C8orf34: variants seen among roughly 807,000 people sequenced by gnomAD.
C8orf34 encodes the protein uncharacterized protein C8orf34.
In C8orf34, 65 loss-of-function variants were observed where a neutral mutation model predicts 68.3. That is an observed-to-expected ratio of 0.95 (90% CI 0.78 to 1.17). C8orf34 has a LOEUF of 1.17. Among genes scored for constraint, C8orf34 ranks in the 50% most tolerant of loss-of-function variants. C8orf34 has a pLI of 0.00. For missense variants in C8orf34, 664 were observed against 655.4 expected, an observed-to-expected ratio of 1.01 and a Z score of -0.14; for synonymous variants, 244 against 241.2, an observed-to-expected ratio of 1.01 and a Z score of -0.11.
chr8:68,777,544 C>A (rs7464209), intron 11 of C8orf34, among the ~76,000 whole-genome samples: 1 of 151,602 alleles, frequency 6.6e-6, no homozygotes, highest in Non-Finnish European at 1.5e-5. Flanking sequence ...GACTGTGGTC[C>A]TCTGACTACA....
At position 68,705,197 on chromosome 8, in the gene C8orf34, T is replaced by C. The variant is rs1821128876; in HGVS notation, c.1242-3797T>C. On this transcript the variant is annotated intron_variant, in intron 8 of 13. Transcript: ENST00000518698. ...GTAATATGTCCTATAAGGATTTGGGTACACCAATCTTGAGCTGATGGTTTA... is the reference window on the plus strand; with the variant it reads ...GTAATATGTCCTATAAGGATTTGGGCACACCAATCTTGAGCTGATGGTTTA... Among the ~76,000 whole-genome samples the C allele has an allele frequency of 2.6e-5, 4 of 152,262 alleles. No individual in the cohort carries two copies. The South Asian group carries it at 8.3e-4, about 32-fold the overall frequency.
At chr8:68,726,116 T>G (rs1821823169) in intron 10 of C8orf34, among the ~76,000 whole-genome samples, 2 of 151,970 alleles carry the variant, frequency 1.3e-5, no homozygotes, top group South Asian at 4.1e-4. Flanking sequence ...ACCATGTTGG[T>G]CAGGCTGGAC....
Position 68,374,757 on chromosome 8 carries a change from T to G in C8orf34, c.327+43418T>G, listed in dbSNP as rs559190088. On this transcript the variant is annotated intron_variant, in intron 1 of 13. Coordinates refer to ENST00000518698, the MANE Select transcript of C8orf34 (RefSeq NM_052958.4). Reference sequence around the variant, plus strand: ...CCAAGGTTGCATCCAAGTACTAAAATTATTATTTTGTCTTAGGGGAAAATG... The same window carrying G: ...CCAAGGTTGCATCCAAGTACTAAAAGTATTATTTTGTCTTAGGGGAAAATG... Among the ~76,000 whole-genome samples the G allele has an allele frequency of 7.2e-5, 11 of 152,266 alleles. No individual in the cohort carries two copies. The South Asian group carries it at 2.1e-3, about 29-fold the overall frequency.
At chr8:68,503,320 G>A (rs923276324) in intron 5 of C8orf34, among the ~76,000 whole-genome samples, 1 of 152,124 alleles carries the variant, frequency 6.6e-6, no homozygotes, top group Non-Finnish European at 1.5e-5. Context: ...ATTTACAAAT[G>A]ATATGATGAA....
At chr8:68,747,806 C>G (rs1331538909) in intron 10 of C8orf34, among the ~76,000 whole-genome samples, 1 of 151,660 alleles carries the variant, frequency 6.6e-6, no homozygotes, top group East Asian at 1.9e-4. Flanking sequence ...AATGGCCATA[C>G]TGCCCAAGGT....
intron 9 of C8orf34, 66 bp downstream of exon 9, chr8:68,709,145 G>GA: frequency 8.0e-7 from 1 of 1,248,306 alleles, no homozygotes. Flanking sequence ...AGAAGTAAAG[G>GA]AAAAAAACTA....
At chr8:68,802,682 G>A (rs905499178) in intron 12 of C8orf34, among the ~76,000 whole-genome samples, 23 of 151,874 alleles carry the variant, frequency 1.5e-4, no homozygotes, top group African/African-American at 5.3e-4. Context: ...AGTTTTTGTG[G>A]AGACAAGGTT....
At chr8:68,809,706 T>A (rs1771988162) in intron 12 of C8orf34, among the ~76,000 whole-genome samples, 1 of 152,184 alleles carries the variant, frequency 6.6e-6, no homozygotes, top group Non-Finnish European at 1.5e-5. Context: ...ACCTCCTTTT[T>A]CCTCCACTTC....
chr8:68,478,845 G>A (rs4009124), intron 4 of C8orf34, among the ~76,000 whole-genome samples: 103,409 of 151,598 alleles, frequency 0.68, 35,798 homozygotes, highest in East Asian at 0.88. Flanking sequence ...CTTTGCCAAC[G>A]TATAAGGATT....
chr8:68,559,757 G>A (rs1816364654), intron 7 of C8orf34, among the ~76,000 whole-genome samples: 1 of 152,160 alleles, frequency 6.6e-6, no homozygotes, highest in South Asian at 2.1e-4. Context: ...CAAAATTTGA[G>A]AAGGGAGTCG....
intron 7 of C8orf34, among the ~76,000 whole-genome samples, chr8:68,594,757 T>C (rs551901951): frequency 3.3e-5 from 5 of 152,138 alleles, no homozygotes; most frequent in Non-Finnish European, 7.4e-5. Context: ...TCTTGGACTT[T>C]TGAACAGTGA....
At chr8:68,654,750 A>G (rs1819465384) in intron 8 of C8orf34, among the ~76,000 whole-genome samples, 1 of 152,212 alleles carries the variant, frequency 6.6e-6, no homozygotes, top group Admixed American at 6.5e-5. Flanking sequence ...ACATTTTAAT[A>G]TAAATAACAA....
intron 2 of C8orf34, among the ~76,000 whole-genome samples, chr8:68,444,539 T>A (rs894820647): frequency 1.3e-5 from 2 of 152,144 alleles, no homozygotes; most frequent in African/African-American, 4.8e-5. Flanking sequence ...AGTTCTAGAT[T>A]TATCAACAAA....
At chr8:68,769,845 C>G (rs548123995) in intron 10 of C8orf34, among the ~76,000 whole-genome samples, 1 of 152,210 alleles carries the variant, frequency 6.6e-6, no homozygotes, top group East Asian at 1.9e-4. Flanking sequence ...TAACAACTCA[C>G]AGTTAAGTAG....
chr8:68,697,869 C>A (rs1271731290), intron 8 of C8orf34, among the ~76,000 whole-genome samples: 1 of 152,046 alleles, frequency 6.6e-6, no homozygotes, highest in African/African-American at 2.4e-5. Flanking sequence ...AAAATTCCCC[C>A]TCGGGGGAGC....
At position 68,745,269 on chromosome 8, in the gene C8orf34, G is replaced by A. The variant is rs1047064802; in HGVS notation, c.1404+23832G>A. Among the ~76,000 whole-genome samples, 11 of 152,026 alleles carry A rather than the reference G, an allele frequency of 7.2e-5. No individual in the cohort carries two copies. The East Asian group carries it at 7.7e-4, about 11-fold the overall frequency. ...TGGAAAGGAACAACTGGTGCCAGCC[G>A]CTGCAAACTCATGCCAAAATGTAAA... On this transcript the variant is annotated intron_variant, in intron 10 of 13. Coordinates refer to ENST00000518698, the MANE Select transcript of C8orf34 (RefSeq NM_052958.4).
intron 11 of C8orf34, among the ~76,000 whole-genome samples, chr8:68,777,303 A>G (rs1032441665): frequency 6.6e-6 from 1 of 152,202 alleles, no homozygotes; most frequent in African/African-American, 2.4e-5. Context: ...TCCCACCTGG[A>G]GAGAACTGAG....
intron 5 of C8orf34, among the ~76,000 whole-genome samples, chr8:68,501,448 G>C (rs909491620): frequency 1.3e-5 from 2 of 152,178 alleles, no homozygotes; most frequent in African/African-American, 4.8e-5. Context: ...GCATTTGTAA[G>C]GAATCTGTGA....
intron 5 of C8orf34, among the ~76,000 whole-genome samples, chr8:68,488,979 C>T (rs1240888120): frequency 4.5e-5 from 6 of 133,576 alleles, no homozygotes. Context: ...AAACTGATAA[C>T]GAATTTACGT....
Sources: gnomAD v4.1 joint callset for allele counts (sites outside exome capture counted in the v4.1 genomes callset) on GRCh38, gnomAD v4.1.1 for gene constraint, MANE v1.5 for transcripts, NCBI Gene and HGNC (gene_info 2026-07-23, HGNC 2026-07-21) for gene names.